The following CDH4 variants were observed in gnomAD, a reference collection of about 807,000 sequenced individuals.
The protein encoded by CDH4 is cadherin-4.
Under a neutral mutation model 86.0 loss-of-function variants are expected in CDH4, and 33 were observed. The ratio of observed to expected loss-of-function variants is 0.38; its 90% CI spans 0.29 to 0.51. The LOEUF (loss-of-function observed/expected upper bound fraction) is 0.51. CDH4 is among the 20% of genes least tolerant of loss of function. The pLI is 0.86. For missense variants in CDH4, 1,114 were observed against 1,307.4 expected (o/e 0.85, Z 2.28); for synonymous variants, 555 against 549.4 (o/e 1.01, Z -0.14).
At chr20:61,492,286 GTGTTGA>G (rs2085631986) in intron 2 of CDH4, among the ~76,000 whole-genome samples, 1 of 151,138 alleles carries the variant, frequency 6.6e-6, no homozygotes, top group Non-Finnish European at 1.5e-5. Flanking sequence ...GATGTTGGTG[GTGTTGA>G]TGTTGGTGTT....
chr20:61,902,462 G>C lies in CDH4; in HGVS notation c.1188+7415G>C, dbSNP rs1381250594. Among the ~76,000 whole-genome samples the C allele has an allele frequency of 1.3e-5, 2 of 152,268 alleles. No individual in the cohort carries two copies. The highest frequency in any genetic ancestry group is 1.5e-5 in the Non-Finnish European group (1 of 68,048). ...AGTGCAAGGGCAGATCCACAGAGGA[G>C]CGTGCGGGGCCCCACCTTCCCAGGG... On this transcript the variant is annotated intron_variant, in intron 8 of 15. Transcript: ENST00000614565. The surrounding 1 kb of genome is among the most constrained non-coding windows in gnomAD (Gnocchi z 4.6).
At chr20:61,735,240 C>T (rs2088248053) in intron 2 of CDH4, among the ~76,000 whole-genome samples, 1 of 152,210 alleles carries the variant, frequency 6.6e-6, no homozygotes, top group Non-Finnish European at 1.5e-5. Context: ...CCCGTCTCCC[C>T]AGCAGCTGGA....
intron 2 of CDH4, among the ~76,000 whole-genome samples, chr20:61,349,486 G>A (rs963025420): frequency 3.9e-5 from 6 of 152,240 alleles, no homozygotes; most frequent in Non-Finnish European, 4.4e-5. Context: ...GTCAGTGAGG[G>A]AAAATCCTGC....
chr20:61,927,240 G>A (rs567009213), intron 11 of CDH4, among the ~76,000 whole-genome samples: 2 of 152,202 alleles, frequency 1.3e-5, no homozygotes, highest in African/African-American at 2.4e-5. Flanking sequence ...AGAACATGCC[G>A]CCACCACCGC....
At chr20:61,717,171 T>C (rs1371527766) in intron 2 of CDH4, among the ~76,000 whole-genome samples, 1 of 152,192 alleles carries the variant, frequency 6.6e-6, no homozygotes, top group African/African-American at 2.4e-5. Context: ...GCACTCAACA[T>C]GCACCAAGTC....
chr20:61,317,013 CT>C (rs71185915), intron 2 of CDH4, among the ~76,000 whole-genome samples: 6,270 of 143,198 alleles, frequency 0.044, 295 homozygotes, highest in African/African-American at 0.12. Flanking sequence ...CCTGCTATTT[CT>C]TTTTTTTTTT....
At chr20:61,617,257 C>T (rs930928891) in intron 2 of CDH4, among the ~76,000 whole-genome samples, 10 of 152,112 alleles carry the variant, frequency 6.6e-5, no homozygotes, top group African/African-American at 1.9e-4. Flanking sequence ...GAAGCTAAGC[C>T]CCAGGAGGGC....
intron 6 of CDH4, among the ~76,000 whole-genome samples, chr20:61,860,974 C>G (rs537779652): frequency 6.6e-6 from 1 of 152,174 alleles, no homozygotes; most frequent in East Asian, 1.9e-4. Context: ...CCCCAGGGTG[C>G]CTTTGGGTCT....
At chr20:61,276,211 A>C (rs900111631) in intron 2 of CDH4, among the ~76,000 whole-genome samples, 7 of 152,188 alleles carry the variant, frequency 4.6e-5, no homozygotes, top group South Asian at 2.1e-4. Context: ...GGATTTTATT[A>C]ATCTATTTTT....
intron 2 of CDH4, among the ~76,000 whole-genome samples, chr20:61,257,183 T>C (rs1210620639): frequency 1.3e-5 from 2 of 152,244 alleles, no homozygotes; most frequent in Non-Finnish European, 2.9e-5. Flanking sequence ...CATGTTCCTC[T>C]GAGTAGGCCA....
intron 2 of CDH4, among the ~76,000 whole-genome samples, chr20:61,280,202 G>A (rs1412142605): frequency 3.3e-5 from 5 of 152,176 alleles, no homozygotes; most frequent in Non-Finnish European, 1.5e-5. Flanking sequence ...ATGGGAGGGT[G>A]AGAATTCAGG....
At chr20:61,791,464 A>T (rs1179578366) in intron 4 of CDH4, among the ~76,000 whole-genome samples, 1 of 152,214 alleles carries the variant, frequency 6.6e-6, no homozygotes, top group East Asian at 1.9e-4. Flanking sequence ...GAAAACAGTG[A>T]TTCACCCGGT....
Position 61,531,906 on chromosome 20 carries a change from G to A in CDH4, c.170-211657G>A, listed in dbSNP as rs577789764. ...TAGATAAAATGCTTATTAGTAAAGT[G>A]AGGATTATCCAGGATTTTAAAGTTT... On this transcript the variant is annotated intron_variant, in intron 2 of 15. Transcript: ENST00000614565. 2.3e-4 allele frequency among the ~76,000 whole-genome samples: 35 copies of A among 152,374 alleles called. 1 individual carries two copies. The South Asian group carries it at 6.8e-3, about 30-fold the overall frequency.
chr20:61,845,607 C>T (rs930754283), intron 5 of CDH4, among the ~76,000 whole-genome samples: 5 of 152,240 alleles, frequency 3.3e-5, no homozygotes, highest in Non-Finnish European at 7.3e-5. Context: ...CCCCGACCTG[C>T]CCCTGGCCAG....
intron 2 of CDH4, among the ~76,000 whole-genome samples, chr20:61,282,553 G>GCA (rs879526278): frequency 0.64 from 96,418 of 149,776 alleles, 31,202 homozygotes; most frequent in East Asian, 0.81. Context: ...GTGCATGTGT[G>GCA]TGTGTGTGTG....
chr20:61,772,322 C>T (rs551268695), intron 3 of CDH4, among the ~76,000 whole-genome samples: 1 of 152,354 alleles, frequency 6.6e-6, no homozygotes, highest in South Asian at 2.1e-4. Flanking sequence ...TCACTGCGCA[C>T]CCCCAGTGTT....
At chr20:61,825,896 T>G (rs1156233119) in intron 4 of CDH4, among the ~76,000 whole-genome samples, 1 of 152,206 alleles carries the variant, frequency 6.6e-6, no homozygotes, top group Non-Finnish European at 1.5e-5. Flanking sequence ...GAGCTCTGCT[T>G]GATGCCTCTC....
chr20:61,931,598 G>A (rs1291654693), intron 13 of CDH4, among the ~76,000 whole-genome samples: 6 of 152,244 alleles, frequency 3.9e-5, no homozygotes, highest in African/African-American at 1.4e-4. Flanking sequence ...TCTGTGACAT[G>A]GGAGGTGACG....
In CDH4 at chr20:61,712,894, C is replaced by T. The variant is rs375874822; in HGVS notation, c.170-30669C>T. Among the ~76,000 whole-genome samples, 17 of 152,280 alleles carry T rather than the reference C, an allele frequency of 1.1e-4. No homozygotes were observed. In the East Asian group the frequency reaches 1.4e-3, roughly 12 times the overall value. The stretch of plus-strand genomic sequence containing the variant: ...CTCGCCGAGGGTGGTGGGAACTCCT[C>T]GTTGACAGGCAGGAAGTCAGTTTGT... On this transcript the variant is annotated intron_variant, in intron 2 of 15. Coordinates refer to ENST00000614565, the MANE Select transcript of CDH4 (RefSeq NM_001794.5).
Sources: allele counts gnomAD v4.1 joint callset (sites outside exome capture counted in the v4.1 genomes callset), GRCh38; gene constraint gnomAD v4.1.1; non-coding constraint Gnocchi (gnomAD v3.1); transcripts MANE v1.5; gene names NCBI Gene and HGNC (gene_info 2026-07-23, HGNC 2026-07-21).